The following GRID1 variants were observed in gnomAD, a reference collection of about 807,000 sequenced individuals.
GRID1 encodes the protein glutamate ionotropic receptor delta type subunit 1.
A neutral mutation model predicts 98.0 loss-of-function variants in GRID1; 28 were observed. That is an observed-to-expected ratio of 0.29 (90% CI 0.21 to 0.39). GRID1 has a LOEUF of 0.39. GRID1 is among the 10% of genes least tolerant of loss of function. The probability of loss-of-function intolerance (pLI) is 1.00; values close to 1 mark genes in which losing one functional copy is unlikely to be tolerated. For missense variants in GRID1, 1,111 were observed against 1,340.5 expected (o/e 0.83, Z 2.67); for synonymous variants, 553 against 538.5 (o/e 1.03, Z -0.37).
intron 5 of GRID1, among the ~76,000 whole-genome samples, chr10:85,905,649 T>G (rs969909675): frequency 6.6e-6 from 1 of 152,152 alleles, no homozygotes; most frequent in Non-Finnish European, 1.5e-5. Context: ...TGTAAGATAC[T>G]TATACTGAAA....
At chr10:85,668,978 C>G (rs1323178517) in intron 12 of GRID1, among the ~76,000 whole-genome samples, 1 of 152,198 alleles carries the variant, frequency 6.6e-6, no homozygotes, top group Non-Finnish European at 1.5e-5. Context: ...CATTGGCAAC[C>G]ACTGTGGACT....
chr10:86,135,463 T>G (rs1332391157), intron 4 of GRID1, among the ~76,000 whole-genome samples: 2 of 152,050 alleles, frequency 1.3e-5, no homozygotes, highest in African/African-American at 4.8e-5. Flanking sequence ...TCTATCACCC[T>G]CAGCCCCATC....
chr10:85,800,285 C>T lies in GRID1; in HGVS notation c.1233+54211G>A, dbSNP rs189545630. 1.9e-4 allele frequency among the ~76,000 whole-genome samples: 29 copies of T among 151,934 alleles called. 1 individual carries two copies. In the East Asian group the frequency reaches 5.0e-3, roughly 26 times the overall value. On this transcript the variant is annotated intron_variant, in intron 8 of 15. Coordinates refer to ENST00000327946, the MANE Select transcript of GRID1 (RefSeq NM_017551.3). ...ACACAATTTAATGAGCATATAGTTG[C>T]GTATCAGACAATATAAAAACACACA... is the stretch of plus-strand genomic sequence containing the variant.
chr10:85,828,262 A>G (rs1842837303), intron 8 of GRID1, among the ~76,000 whole-genome samples: 1 of 152,118 alleles, frequency 6.6e-6, no homozygotes, highest in South Asian at 2.1e-4. Flanking sequence ...ATAACATAGC[A>G]GACAGAATCT....
chr10:85,866,861 A>T (rs1421306487), intron 6 of GRID1, among the ~76,000 whole-genome samples: 1 of 152,152 alleles, frequency 6.6e-6, no homozygotes, highest in African/African-American at 2.4e-5. Flanking sequence ...TTACTACAAG[A>T]TTCCTGTAGT....
chr10:85,854,962 A>C (rs193289559), intron 7 of GRID1, among the ~76,000 whole-genome samples: 6 of 152,336 alleles, frequency 3.9e-5, no homozygotes. Context: ...CTCCCCTTGC[A>C]ATCAGTTCCA....
intron 3 of GRID1, among the ~76,000 whole-genome samples, chr10:86,150,820 C>T (rs758291678): frequency 4.6e-5 from 7 of 152,172 alleles, no homozygotes; most frequent in East Asian, 1.9e-4. Flanking sequence ...CCACCAGGTG[C>T]GCACACTGAG....
rs61218942 is a variant in GRID1, at chr10:85,850,926, A to C, written c.1233+3570T>G. ...CAATGAGACAACATACGTACAATGC[A>C]CTTTTGGATACTGTGGATGCTTAAC... On this transcript the variant is annotated intron_variant, in intron 8 of 15. Transcript: ENST00000327946. 5.4e-3 allele frequency among the ~76,000 whole-genome samples: 816 copies of C among 152,294 alleles called. 6 individuals are homozygous for C. Among genetic ancestry groups the C allele is most frequent in the African/African-American group, 0.019 (769 of 41,566 alleles).
In GRID1 at chr10:85,690,127, T is replaced by G. The variant is rs113711430; in HGVS notation, c.1997+32876A>C. On this transcript the variant is annotated intron_variant, in intron 12 of 15. Transcript: ENST00000327946. ...ACATCTATTTGAACTGGCTATGAAT[T>G]AAATCTGCAATAAAATAATATGTTA... Among the ~76,000 whole-genome samples, 443 of 152,310 alleles carry G rather than the reference T, an allele frequency of 2.9e-3. 4 individuals carry two copies. Among genetic ancestry groups the G allele is most frequent in the African/African-American group, 9.8e-3 (407 of 41,582 alleles).
chr10:85,943,320 T>C (rs754373955), intron 4 of GRID1, among the ~76,000 whole-genome samples: 2 of 152,152 alleles, frequency 1.3e-5, no homozygotes, highest in Non-Finnish European at 2.9e-5. Context: ...ATATAAAATA[T>C]ATGCCATATT....
At chr10:86,330,117 C>A (rs1397595303) in intron 2 of GRID1, among the ~76,000 whole-genome samples, 3 of 152,144 alleles carry the variant, frequency 2.0e-5, no homozygotes, top group Non-Finnish European at 4.4e-5. Flanking sequence ...GACCGTGACT[C>A]CCCCAGGGCA....
At position 86,206,533 on chromosome 10, in the gene GRID1, CT is replaced by C; in HGVS notation, c.350del (p.Gln117ArgfsTer14). 3 of 1,614,202 alleles carry C rather than the reference CT, an allele frequency of 1.9e-6. No homozygotes were observed. The highest frequency in any genetic ancestry group is 2.5e-6 in the Non-Finnish European group (3 of 1,180,046). The part of the protein sequence containing the change: ...DAMHIPHLFV[Q>X]RNPGGSPRTA... ...TGCGTGGCGACCCTCCCGGGTTGCG[CT>C]GGACAAAGAGGTGTGGGATGTGCAT... On this transcript the variant is annotated frameshift_variant, in exon 3 of 16. Transcript: ENST00000327946. LOFTEE classifies it high-confidence loss of function. This position sits in a 1 kb window ranked among gnomAD's most constrained non-coding sequence, Gnocchi z 4.1.
chr10:86,208,023 T>C (rs1448242864), intron 2 of GRID1, among the ~76,000 whole-genome samples: 1 of 152,208 alleles, frequency 6.6e-6, no homozygotes, highest in Non-Finnish European at 1.5e-5. Context: ...GCAGTTCTTT[T>C]GGTCAAGAGC....
chr10:86,081,006 G>T (rs1456330132), intron 4 of GRID1, among the ~76,000 whole-genome samples: 1 of 152,130 alleles, frequency 6.6e-6, no homozygotes, highest in African/African-American at 2.4e-5. Context: ...GGCAGATGCT[G>T]CAGAGCCCAC....
chr10:86,204,615 G>C (rs893605374), intron 3 of GRID1, among the ~76,000 whole-genome samples: 29 of 152,248 alleles, frequency 1.9e-4, no homozygotes, highest in Admixed American at 1.8e-3. Context: ...TCAGTCTGCA[G>C]GAGTCACAGG....
chr10:86,112,094 ACT>A (rs1371837720), intron 4 of GRID1, among the ~76,000 whole-genome samples: 2 of 152,100 alleles, frequency 1.3e-5, no homozygotes, highest in Non-Finnish European at 2.9e-5. Context: ...GTCTTAGATG[ACT>A]CAACACAGGA....
At chr10:85,838,605 G>A (rs1281073469) in intron 8 of GRID1, among the ~76,000 whole-genome samples, 3 of 152,008 alleles carry the variant, frequency 2.0e-5, no homozygotes, top group African/African-American at 7.2e-5. Flanking sequence ...AAATGCTGAG[G>A]GAATTTGTTA....
intron 15 of GRID1, among the ~76,000 whole-genome samples, chr10:85,602,988 C>G (rs980696410): frequency 2.6e-5 from 4 of 152,146 alleles, no homozygotes; most frequent in African/African-American, 9.7e-5. Context: ...ACTGCCATAC[C>G]CAGAACCAAC....
chr10:85,915,750 C>A (rs1841610468), intron 5 of GRID1, among the ~76,000 whole-genome samples: 1 of 152,138 alleles, frequency 6.6e-6, no homozygotes, highest in Admixed American at 6.5e-5. Flanking sequence ...CGCATGTGCA[C>A]ACCCTGCATA....
Sources: gnomAD v4.1 joint callset for allele counts (sites outside exome capture counted in the v4.1 genomes callset) on GRCh38, gnomAD v4.1.1 for gene constraint, Gnocchi (gnomAD v3.1) non-coding constraint, MANE v1.5 for transcripts, NCBI Gene and HGNC (gene_info 2026-07-23, HGNC 2026-07-21) for gene names.